The following MMP16 variants were observed in gnomAD, a reference collection of about 807,000 sequenced individuals.
MMP16 encodes matrix metallopeptidase 16, also known as matrix metalloproteinase-16.
In MMP16, 12 loss-of-function variants were observed where a neutral mutation model predicts 67.8. That is an observed-to-expected ratio of 0.18 (90% CI 0.11 to 0.29). The LOEUF (loss-of-function observed/expected upper bound fraction) is 0.29. Ranked by LOEUF, MMP16 falls within the 10% of genes least tolerant of loss-of-function variation. The pLI is 1.00. For synonymous variants in MMP16, 249 were observed against 255.9 expected (o/e 0.97, Z 0.26); for missense variants, 475 against 765.7 (o/e 0.62, Z 4.48).
At chr8:88,320,833 G>C (rs542966739) in intron 1 of MMP16, among the ~76,000 whole-genome samples, 1 of 152,038 alleles carries the variant, frequency 6.6e-6, no homozygotes, top group Non-Finnish European at 1.5e-5. Flanking sequence ...TTACTCTCTC[G>C]GCTCAGCTTC....
At chr8:88,241,256 ATTTC>A (rs1219049321) in intron 1 of MMP16, among the ~76,000 whole-genome samples, 3 of 152,106 alleles carry the variant, frequency 2.0e-5, no homozygotes, top group East Asian at 3.9e-4. Flanking sequence ...TTTCATTATG[ATTTC>A]TTTAATTTCG....
At chr8:88,149,497 C>A (rs1808361203) in intron 4 of MMP16, among the ~76,000 whole-genome samples, 1 of 152,186 alleles carries the variant, frequency 6.6e-6, no homozygotes, top group African/African-American at 2.4e-5. Context: ...GTTCTCCCAG[C>A]ACGCGGCTGG....
chr8:88,320,757 T>A (rs1288905621), intron 1 of MMP16, among the ~76,000 whole-genome samples: 1 of 152,098 alleles, frequency 6.6e-6, no homozygotes, highest in African/African-American at 2.4e-5. Context: ...GCTCAATAGC[T>A]CCCTCTAGCC....
chr8:88,167,629 T>C (rs752684961), intron 4 of MMP16, 40 bp downstream of exon 4: 11 of 1,497,798 alleles, frequency 7.3e-6, no homozygotes, highest in African/African-American at 2.8e-5. Flanking sequence ...TCTGAAATAA[T>C]AATAGAAATA....
chr8:88,252,309 G>A (rs554690399), intron 1 of MMP16, among the ~76,000 whole-genome samples: 2 of 152,012 alleles, frequency 1.3e-5, no homozygotes, highest in Admixed American at 6.6e-5. Context: ...ATTGTACTAC[G>A]GCCTCTTCCA....
chr8:88,153,305 G>A (rs932340892), intron 4 of MMP16, among the ~76,000 whole-genome samples: 74 of 152,230 alleles, frequency 4.9e-4, no homozygotes, highest in African/African-American at 1.7e-3. Flanking sequence ...GTAATTTACA[G>A]ATTCAATGCC....
chr8:88,228,909 T>C (rs905368623), intron 1 of MMP16, among the ~76,000 whole-genome samples: 2 of 151,862 alleles, frequency 1.3e-5, no homozygotes, highest in Non-Finnish European at 2.9e-5. Context: ...GCCTGTAACC[T>C]CAGCACTTTG....
intron 1 of MMP16, among the ~76,000 whole-genome samples, chr8:88,272,570 C>G (rs2129975532): frequency 6.6e-6 from 1 of 152,176 alleles, no homozygotes; most frequent in Admixed American, 6.5e-5. Context: ...TCTTTAAATA[C>G]AGACAATTTA....
intron 7 of MMP16, among the ~76,000 whole-genome samples, chr8:88,073,402 C>G (rs1028610505): frequency 1.3e-5 from 2 of 152,052 alleles, no homozygotes; most frequent in African/African-American, 2.4e-5. Context: ...TAATTTAGTC[C>G]TTAAAATCAT....
In MMP16 at chr8:88,147,850, A is replaced by G. The variant is rs117941848; in HGVS notation, c.709+19819T>C. On this transcript the variant is annotated intron_variant, in intron 4 of 9. Coordinates refer to ENST00000286614, the MANE Select transcript of MMP16 (RefSeq NM_005941.5). ...TTTGAATATATTGAGCTTCCTCTAT[A>G]TGTGGATTCATATTTTTACTTCTAG... Among the ~76,000 whole-genome samples, 1,188 of 152,018 alleles carry G rather than the reference A, an allele frequency of 7.8e-3. 17 individuals carry two copies. The highest frequency in any genetic ancestry group is 0.075 in the Middle Eastern group (22 of 294).
chr8:88,286,262 A>G (rs916189396), intron 1 of MMP16, among the ~76,000 whole-genome samples: 1 of 152,094 alleles, frequency 6.6e-6, no homozygotes, highest in African/African-American at 2.4e-5. Context: ...AGAATCTCAG[A>G]AGACTCTCCC....
At chr8:88,299,681 T>C (rs1481995996) in intron 1 of MMP16, among the ~76,000 whole-genome samples, 7 of 152,352 alleles carry the variant, frequency 4.6e-5, no homozygotes, top group South Asian at 2.1e-4. Flanking sequence ...GTCTATAATG[T>C]ATACTGCAAT....
intron 7 of MMP16, among the ~76,000 whole-genome samples, chr8:88,072,089 G>C (rs549090566): frequency 1.3e-5 from 2 of 152,260 alleles, no homozygotes; most frequent in African/African-American, 2.4e-5. Context: ...GGGATCAGCT[G>C]TCAGCAAAGG....
chr8:88,107,397 T>C (rs922933304), intron 6 of MMP16, among the ~76,000 whole-genome samples: 1 of 151,114 alleles, frequency 6.6e-6, no homozygotes, highest in Admixed American at 6.6e-5. Context: ...CAGGGGAAAG[T>C]AATTTTTTAC....
At chr8:88,080,057 A>G (rs1450579042) in intron 6 of MMP16, among the ~76,000 whole-genome samples, 1 of 152,188 alleles carries the variant, frequency 6.6e-6, no homozygotes, top group Non-Finnish European at 1.5e-5. Flanking sequence ...CACATATGTT[A>G]CTGCATCATG....
intron 6 of MMP16, among the ~76,000 whole-genome samples, chr8:88,096,914 A>T (rs1809037879): frequency 6.6e-6 from 1 of 151,968 alleles, no homozygotes; most frequent in Non-Finnish European, 1.5e-5. Context: ...TTTATTATAT[A>T]TCCTGTAGAC....
At chr8:88,075,367 TCATC>T (rs1808629995) in intron 6 of MMP16, among the ~76,000 whole-genome samples, 1 of 152,158 alleles carries the variant, frequency 6.6e-6, no homozygotes, top group Admixed American at 6.6e-5. Flanking sequence ...ACCATGTACT[TCATC>T]CAATCATAGC....
chr8:88,122,430 T>C (rs1408004641), intron 4 of MMP16, among the ~76,000 whole-genome samples: 2 of 152,040 alleles, frequency 1.3e-5, no homozygotes, highest in African/African-American at 2.4e-5. Context: ...TATAACTTGA[T>C]TGTAACACAT....
intron 1 of MMP16, among the ~76,000 whole-genome samples, chr8:88,241,987 A>T (rs1011131803): frequency 6.6e-6 from 1 of 152,294 alleles, no homozygotes. Flanking sequence ...ATATTTTTGA[A>T]TATCTAAATT....
Sources: allele counts gnomAD v4.1 joint callset (sites outside exome capture counted in the v4.1 genomes callset), GRCh38; gene constraint gnomAD v4.1.1; transcripts MANE v1.5; gene names NCBI Gene and HGNC (gene_info 2026-07-23, HGNC 2026-07-21).